FAM174A: variants seen among roughly 807,000 people sequenced by gnomAD.
FAM174A encodes the protein membrane protein FAM174A.
A neutral mutation model predicts 14.3 loss-of-function variants in FAM174A; 14 were observed. That is an observed-to-expected ratio of 0.98 (90% CI 0.65 to 1.53). The LOEUF is 1.53. FAM174A is among the 40% of genes most tolerant of loss of function. The probability of loss-of-function intolerance (pLI) is 0.00; values close to 1 mark genes in which losing one functional copy is unlikely to be tolerated. For synonymous variants in FAM174A, 108 were observed against 111.4 expected (o/e 0.97, Z 0.19); for missense variants, 241 against 249.6 (o/e 0.97, Z 0.23).
chr5:100,567,682 G>T (rs559396050), intron 2 of FAM174A, among the ~76,000 whole-genome samples: 2 of 151,376 alleles, frequency 1.3e-5, no homozygotes, highest in African/African-American at 4.8e-5. Context: ...GTATACAGAA[G>T]AATTCATCCC....
In FAM174A at chr5:100,540,867, G is replaced by A. The variant is rs191315191; in HGVS notation, c.434+4903G>A. Among the ~76,000 whole-genome samples, 46 of 152,314 alleles carry A rather than the reference G, an allele frequency of 3.0e-4. 1 individual carries two copies. Among genetic ancestry groups the A allele is most frequent in the Non-Finnish European group, 1.6e-4 (11 of 68,036 alleles). The stretch of plus-strand genomic sequence containing the variant: ...TGAGGCCAGAGCAATGCTTGCTCAT[G>A]TAATGCCACATATAGACATTGATAT... On this transcript the variant is annotated intron_variant, in intron 1 of 2. Coordinates refer to ENST00000312637, the MANE Select transcript of FAM174A (RefSeq NM_198507.3).
At chr5:100,573,383 T>C (rs1399688185) in intron 2 of FAM174A, among the ~76,000 whole-genome samples, 1 of 151,552 alleles carries the variant, frequency 6.6e-6, no homozygotes, top group Non-Finnish European at 1.5e-5. Flanking sequence ...TTTATGGTTT[T>C]AGGTCTAACG....
At chr5:100,549,347 C>G (rs574676670) in intron 1 of FAM174A, among the ~76,000 whole-genome samples, 1 of 152,052 alleles carries the variant, frequency 6.6e-6, no homozygotes, top group Non-Finnish European at 1.5e-5. Context: ...ACAAAGAAAT[C>G]CATGTCAAGA....
At chr5:100,555,939 T>G (rs1580368553) in intron 1 of FAM174A, among the ~76,000 whole-genome samples, 1 of 142,440 alleles carries the variant, frequency 7.0e-6, no homozygotes. Flanking sequence ...AGAAGCTCTT[T>G]AGTTTAATTG....
chr5:100,566,473 A>C (rs985341327), intron 2 of FAM174A, among the ~76,000 whole-genome samples: 13 of 151,700 alleles, frequency 8.6e-5, no homozygotes, highest in African/African-American at 3.1e-4. Context: ...AAGTTCATTT[A>C]TGCAAGATGA....
chr5:100,559,751 G>T (rs1032919671), intron 1 of FAM174A, among the ~76,000 whole-genome samples: 2 of 152,012 alleles, frequency 1.3e-5, no homozygotes, highest in Non-Finnish European at 2.9e-5. Flanking sequence ...GGCTACTGAG[G>T]CTTGTGCATT....
chr5:100,537,835 T>C (rs926895827), intron 1 of FAM174A, among the ~76,000 whole-genome samples: 1 of 152,204 alleles, frequency 6.6e-6, no homozygotes, highest in Non-Finnish European at 1.5e-5. Context: ...TACATAAAAA[T>C]GATAAGTATA....
intron 2 of FAM174A, among the ~76,000 whole-genome samples, chr5:100,574,888 C>G (rs947979010): frequency 2.0e-5 from 3 of 152,136 alleles, no homozygotes; most frequent in Admixed American, 2.0e-4. Flanking sequence ...AAAACACACC[C>G]TTACTGCAGG....
chr5:100,575,728 A>G (rs1252638136), intron 2 of FAM174A, among the ~76,000 whole-genome samples: 1 of 152,220 alleles, frequency 6.6e-6, no homozygotes, highest in Non-Finnish European at 1.5e-5. Context: ...AAAAGAAACT[A>G]CCATCAGAGT....
intron 2 of FAM174A, 101 bp downstream of exon 2, chr5:100,562,289 A>G (rs1289089211): frequency 9.1e-7 from 1 of 1,099,780 alleles, no homozygotes; most frequent in Non-Finnish European, 1.3e-6. Flanking sequence ...TTATATTCCA[A>G]CACAGTTTCT....
intron 1 of FAM174A, among the ~76,000 whole-genome samples, chr5:100,555,390 C>CGT (rs968703553): frequency 1.6e-4 from 24 of 152,102 alleles, no homozygotes; most frequent in Admixed American, 1.1e-3. Flanking sequence ...AATAAACATA[C>CGT]GTGTGTGTGT....
intron 1 of FAM174A, among the ~76,000 whole-genome samples, chr5:100,544,901 G>A (rs1746134023): frequency 6.6e-6 from 1 of 152,188 alleles, no homozygotes; most frequent in Non-Finnish European, 1.5e-5. Flanking sequence ...AATAGCATTT[G>A]AACATTACTA....
At chr5:100,550,361 G>A (rs917789203) in intron 1 of FAM174A, among the ~76,000 whole-genome samples, 3 of 151,960 alleles carry the variant, frequency 2.0e-5, no homozygotes, top group African/African-American at 7.3e-5. Flanking sequence ...ATTTTGTTGT[G>A]GTATGTATCT....
intron 2 of FAM174A, among the ~76,000 whole-genome samples, chr5:100,579,866 G>A (rs1180954223): frequency 1.3e-5 from 2 of 152,206 alleles, no homozygotes. Flanking sequence ...ACAGAAACTA[G>A]CAGAGTTTTC....
rs768249962 is a variant in FAM174A, at chr5:100,535,542, G to T, written c.12G>T (p.Ser4=). The T allele has an allele frequency of 1.2e-6, 2 of 1,612,950 alleles. No individual in the cohort carries two copies. The highest frequency in any genetic ancestry group is 1.1e-5 in the South Asian group (1 of 91,062). MKA[S]QCCCCLSHLL... ...GCGGTCCGGGAACGATGAAGGCCTCGCAGTGCTGCTGCTGTCTCAGCCACC... is the reference window on the plus strand; with the variant it reads ...GCGGTCCGGGAACGATGAAGGCCTCTCAGTGCTGCTGCTGTCTCAGCCACC... Residue 4 remains serine (S), a synonymous_variant, in exon 1 of 3, where the codon TCG becomes TCT. Transcript: ENST00000312637.
intron 1 of FAM174A, among the ~76,000 whole-genome samples, chr5:100,551,824 C>T (rs1746268838): frequency 6.6e-6 from 1 of 152,076 alleles, no homozygotes; most frequent in African/African-American, 2.4e-5. Context: ...GGCGTTCTGC[C>T]TGTGTGCGTG....
intron 2 of FAM174A, among the ~76,000 whole-genome samples, chr5:100,569,940 C>T (rs1746741841): frequency 6.6e-6 from 1 of 151,860 alleles, no homozygotes; most frequent in African/African-American, 2.4e-5. Context: ...TAATGCTCTT[C>T]TCTAAGCCAG....
At chr5:100,549,951 C>T (rs1746232268) in intron 1 of FAM174A, among the ~76,000 whole-genome samples, 1 of 151,838 alleles carries the variant, frequency 6.6e-6, no homozygotes, top group South Asian at 2.1e-4. Flanking sequence ...TATAGGATGG[C>T]AGGAATATCT....
chr5:100,550,483 A>AT (rs1476084088), intron 1 of FAM174A, among the ~76,000 whole-genome samples: 2 of 152,118 alleles, frequency 1.3e-5, no homozygotes, highest in South Asian at 4.1e-4. Context: ...CAATCTATAT[A>AT]TTTTACTCAA....
Sources: allele counts gnomAD v4.1 joint callset (sites outside exome capture counted in the v4.1 genomes callset), GRCh38; gene constraint gnomAD v4.1.1; transcripts MANE v1.5; gene names NCBI Gene and HGNC (gene_info 2026-07-23, HGNC 2026-07-21).